GREB1L: variants seen among roughly 807,000 people sequenced by gnomAD.
GREB1L encodes the protein GREB1 like retinoic acid receptor coactivator, also known as GREB1-like protein.
GREB1L carries 17 observed loss-of-function variants against 200.8 expected under a neutral mutation model. That is an observed-to-expected ratio of 0.08 (90% CI 0.06 to 0.13). The LOEUF is 0.13. Among genes scored for constraint, GREB1L ranks in the 10% least tolerant of loss-of-function variants. The pLI, the probability that GREB1L is intolerant of heterozygous loss-of-function variation, is 1.00. For missense variants in GREB1L, 1,657 were observed against 2,367.7 expected, an observed-to-expected ratio of 0.70 and a Z score of 6.23; for synonymous variants, 789 against 893.0, an observed-to-expected ratio of 0.88 and a Z score of 2.08.
chr18:21,481,681 C>T (rs2035929785), intron 17 of GREB1L, among the ~76,000 whole-genome samples: 2 of 151,820 alleles, frequency 1.3e-5, no homozygotes, highest in African/African-American at 4.8e-5. Flanking sequence ...ACTATTCTGG[C>T]CTTCTGTACT....
intron 7 of GREB1L, among the ~76,000 whole-genome samples, chr18:21,427,005 T>G (rs533453695): frequency 6.6e-6 from 1 of 150,706 alleles, no homozygotes; most frequent in South Asian, 2.1e-4. Context: ...AAAAAACTGT[T>G]TTGGCTATTC....
Position 21,518,080 on chromosome 18 carries a change from C to T in GREB1L, c.5318C>T (p.Ala1773Val). ...ATCTTGCCCCTTCAATACATCTGTG[C>T]TCCCGACAGTGAACACACACTACTG... ...APILPLQYIC[A>V]PDSEHTLLAA... is the part of the protein sequence containing the mutation. Residue 1773 changes from alanine (A) to valine (V), a missense_variant, in exon 31 of 33, where the codon GCT (alanine) becomes GTT (valine). Around this residue, in one of 9 missense-constraint regions of GREB1L, gnomAD observed 190 missense variants for 230.2 expected, o/e 0.83. Coordinates refer to ENST00000424526, the MANE Select transcript of GREB1L (RefSeq NM_001142966.3). 1 of 1,551,562 alleles carries T rather than the reference C, an allele frequency of 6.4e-7. No individual in the cohort carries two copies. Among genetic ancestry groups the T allele is most frequent in the Admixed American group, 2.0e-5 (1 of 50,994 alleles).
At chr18:21,448,749 G>A (rs2034369909) in intron 11 of GREB1L, among the ~76,000 whole-genome samples, 1 of 152,162 alleles carries the variant, frequency 6.6e-6, no homozygotes, top group Non-Finnish European at 1.5e-5. Context: ...TGTGTCATTT[G>A]GATACCAAAC....
At chr18:21,265,174 T>A (rs752418616) in intron 1 of GREB1L, among the ~76,000 whole-genome samples, 1 of 152,198 alleles carries the variant, frequency 6.6e-6, no homozygotes, top group African/African-American at 2.4e-5. Context: ...TAAGATCAGT[T>A]TTTTTTAATG....
intron 1 of GREB1L, among the ~76,000 whole-genome samples, chr18:21,252,426 G>A (rs781507468): frequency 2.0e-5 from 3 of 151,786 alleles, no homozygotes; most frequent in East Asian, 1.9e-4. Context: ...GTATGGTGGC[G>A]CATGCCTGTA....
intron 15 of GREB1L, chr18:21,468,705 A>T (rs8083036): frequency 2.2e-5 from 10 of 456,258 alleles, no homozygotes; most frequent in Middle Eastern, 6.5e-4. Context: ...CTTTCTCTTC[A>T]TGTCGTTTTT....
At chr18:21,343,133 G>GAA (rs544057615) in intron 1 of GREB1L, among the ~76,000 whole-genome samples, 3 of 139,930 alleles carry the variant, frequency 2.1e-5, no homozygotes, top group Non-Finnish European at 4.7e-5. Flanking sequence ...TTCTTATCTG[G>GAA]AAAAAAAAAA....
At chr18:21,485,561 G>T in intron 17 of GREB1L, 59 bp from the exon 18 acceptor site, 1 of 1,458,290 alleles carries the variant, frequency 6.9e-7, no homozygotes, top group South Asian at 1.4e-5. Context: ...CCACTTTCTG[G>T]AAAACAAGAC....
chr18:21,514,288 G>A (rs542974768), intron 28 of GREB1L, among the ~76,000 whole-genome samples: 87 of 152,284 alleles, frequency 5.7e-4, no homozygotes, highest in African/African-American at 2.0e-3. Flanking sequence ...AGGCCAAGGC[G>A]GGCTGATCAT....
In GREB1L at chr18:21,499,951, C is replaced by T. The variant is rs1253139352; in HGVS notation, c.3614C>T (p.Ser1205Phe). ...ACCACCTCCAAGCCGTCATCATCAT[C>T]CTCAGGACCCAGGACCCTCCCATGG... is the stretch of plus-strand genomic sequence containing the variant. Reference protein sequence around the residue: ...SSTTSKPSSSSSGPRTLPWPG... With the variant: ...SSTTSKPSSSFSGPRTLPWPG... The change falls in exon 22 of 33, where the codon TCC becomes TTC. Residue 1205 changes from serine (S) to phenylalanine (F), a missense_variant. Physicochemically the swap from Ser to Phe is radical, Grantham distance 155. This residue lies in a region of GREB1L where 512 missense variants were observed against 668.3 expected (regional missense o/e 0.77). Coordinates refer to ENST00000424526, the MANE Select transcript of GREB1L (RefSeq NM_001142966.3). 7.1e-6 allele frequency: 11 copies of T among 1,551,072 alleles called. No homozygotes were observed. In the Admixed American group the frequency reaches 7.8e-5, roughly 11 times the overall value.
intron 1 of GREB1L, among the ~76,000 whole-genome samples, chr18:21,270,224 A>C (rs1430116873): frequency 6.6e-6 from 1 of 152,238 alleles, no homozygotes; most frequent in Admixed American, 6.5e-5. Flanking sequence ...ACAAAGTGAA[A>C]AAGGGGACAT....
At chr18:21,449,245 G>A (rs1194319264) in intron 11 of GREB1L, among the ~76,000 whole-genome samples, 1 of 152,092 alleles carries the variant, frequency 6.6e-6, no homozygotes, top group Admixed American at 6.5e-5. Flanking sequence ...GGTTTCTCTT[G>A]GTACCTCCTC....
At chr18:21,459,958 C>G (rs1415883681) in intron 15 of GREB1L, among the ~76,000 whole-genome samples, 3 of 152,130 alleles carry the variant, frequency 2.0e-5, no homozygotes, top group East Asian at 1.9e-4. Context: ...ACATTTACCC[C>G]CCGCTTCACC....
At chr18:21,440,184 T>C in intron 8 of GREB1L, 85 bp from the exon 9 acceptor site, 1 of 1,363,824 alleles carries the variant, frequency 7.3e-7, no homozygotes, top group Non-Finnish European at 1.0e-6. Context: ...TCTGTATTAC[T>C]TATATTACTC....
chr18:21,498,100 A>G (rs889459219), intron 21 of GREB1L, among the ~76,000 whole-genome samples: 3 of 151,816 alleles, frequency 2.0e-5, no homozygotes, highest in East Asian at 1.9e-4. Context: ...GGGATTACAG[A>G]CGTGAGCCAC....
In GREB1L at chr18:21,523,462, A is replaced by AAATC. The variant is rs1328225798; in HGVS notation, c.*643_*646dup. On this transcript the variant is annotated 3_prime_UTR_variant, in exon 33 of 33. Coordinates refer to ENST00000424526, the MANE Select transcript of GREB1L (RefSeq NM_001142966.3). ...AGTTTACTATTTAAACTGAACAAAC[A>AAATC]AATCAGTAAATGCAGAGCAGGCATT... 1 of 152,266 alleles carries AAATC rather than the reference A, an allele frequency of 6.6e-6. No homozygotes were observed. Among genetic ancestry groups the AAATC allele is most frequent in the Non-Finnish European group, 1.5e-5 (1 of 68,052 alleles). The allele number at this position is 152,266 out of a possible 1,614,324, so 9.4% of individuals were successfully genotyped here.
At chr18:21,320,786 A>G (rs1200554333) in intron 1 of GREB1L, among the ~76,000 whole-genome samples, 1 of 151,862 alleles carries the variant, frequency 6.6e-6, no homozygotes, top group Non-Finnish European at 1.5e-5. Flanking sequence ...AGAAAAAACT[A>G]TTTTAGCAAC....
chr18:21,262,894 C>G (rs988518406), intron 1 of GREB1L, among the ~76,000 whole-genome samples: 3 of 152,108 alleles, frequency 2.0e-5, no homozygotes, highest in African/African-American at 7.2e-5. Flanking sequence ...TCATGCCATG[C>G]CTAAGAAACG....
rs1568086204 is a variant in GREB1L at position 21,526,018 on chromosome 18, C to CTATT, written c.*3198_*3201dup. On this transcript the variant is annotated 3_prime_UTR_variant, in exon 33 of 33. Coordinates refer to ENST00000424526, the MANE Select transcript of GREB1L (RefSeq NM_001142966.3). ...TTCCAAAGCAGCTGCCTTGAAAAGA[C>CTATT]TATTAATTAACTGTGAAACTGACTG... Among the ~76,000 whole-genome samples, 1 of 152,134 alleles carries CTATT rather than the reference C, an allele frequency of 6.6e-6. No homozygotes were observed. Among genetic ancestry groups the CTATT allele is most frequent in the African/African-American group, 2.4e-5 (1 of 41,438 alleles).
Sources: gnomAD v4.1 joint callset for allele counts (sites outside exome capture counted in the v4.1 genomes callset) on GRCh38, gnomAD v4.1.1 for gene constraint, gnomAD v4.1.1 regional missense constraint, MANE v1.5 for transcripts, NCBI Gene and HGNC (gene_info 2026-07-23, HGNC 2026-07-21) for gene names.